CCDC102B: variants seen among roughly 807,000 people sequenced by gnomAD.
CCDC102B encodes the protein coiled-coil domain containing 102B.
Under a neutral mutation model 57.4 loss-of-function variants are expected in CCDC102B, and 75 were observed. The ratio of observed to expected loss-of-function variants is 1.31; its 90% CI spans 1.08 to 1.58. The LOEUF is 1.58. CCDC102B is among the 40% of genes most tolerant of loss of function. The probability of loss-of-function intolerance (pLI) is 0.00; values close to 1 mark genes in which losing one functional copy is unlikely to be tolerated. For synonymous variants in CCDC102B, 206 were observed against 201.9 expected (o/e 1.02, Z -0.17); for missense variants, 636 against 582.6 (o/e 1.09, Z -0.94).
At chr18:68,967,680 C>T (rs796614422) in intron 6 of CCDC102B, among the ~76,000 whole-genome samples, 55 of 152,054 alleles carry the variant, frequency 3.6e-4, no homozygotes, top group Middle Eastern at 3.4e-3. Flanking sequence ...GGTTATGAAA[C>T]GTTTATGTAT....
intron 6 of CCDC102B, among the ~76,000 whole-genome samples, chr18:68,974,582 A>C (rs2145270234): frequency 6.6e-6 from 1 of 152,108 alleles, no homozygotes; most frequent in South Asian, 2.1e-4. Context: ...TTCCTTAATC[A>C]TATAATGACT....
At chr18:68,942,232 T>A (rs1365648804) in intron 6 of CCDC102B, among the ~76,000 whole-genome samples, 1 of 152,134 alleles carries the variant, frequency 6.6e-6, no homozygotes, top group Non-Finnish European at 1.5e-5. Context: ...TCCATGTATT[T>A]CTTAATGAAT....
intron 1 of CCDC102B, among the ~76,000 whole-genome samples, chr18:68,801,788 C>A (rs888501073): frequency 2.6e-5 from 4 of 152,100 alleles, no homozygotes; most frequent in Admixed American, 6.6e-5. Context: ...GACTCATTTT[C>A]ATTTGGAAAT....
At chr18:68,837,448 G>A (rs2037434619) in intron 2 of CCDC102B, 79 bp downstream of exon 2, 4 of 1,380,370 alleles carry the variant, frequency 2.9e-6, no homozygotes, top group Non-Finnish European at 4.0e-6. Context: ...AGTGACAAAT[G>A]CAATGGTGAT....
intron 6 of CCDC102B, among the ~76,000 whole-genome samples, chr18:68,939,396 TA>T (rs2049322627): frequency 6.6e-6 from 1 of 151,732 alleles, no homozygotes. Context: ...GGGTATTTTT[TA>T]ATATATAACT....
At chr18:68,904,357 C>CTGCT (rs1237178088) in intron 6 of CCDC102B, among the ~76,000 whole-genome samples, 1 of 152,084 alleles carries the variant, frequency 6.6e-6, no homozygotes, top group East Asian at 1.9e-4. Flanking sequence ...GAAGAATGTC[C>CTGCT]TGCTTGCAGG....
intron 4 of CCDC102B, among the ~76,000 whole-genome samples, chr18:68,847,990 A>G (rs2144823720): frequency 6.6e-6 from 1 of 151,840 alleles, no homozygotes; most frequent in Middle Eastern, 3.4e-3. Flanking sequence ...TAAATGTGTT[A>G]TATACATATG....
intron 2 of CCDC102B, among the ~76,000 whole-genome samples, chr18:68,737,047 C>A (rs1288476518): frequency 6.6e-6 from 1 of 151,784 alleles, no homozygotes; most frequent in East Asian, 1.9e-4. Flanking sequence ...GTTTGTACCC[C>A]CAATTCAGTT....
intron 4 of CCDC102B, among the ~76,000 whole-genome samples, chr18:68,858,320 A>C (rs1257339363): frequency 6.6e-6 from 1 of 152,144 alleles, no homozygotes; most frequent in Admixed American, 6.5e-5. Context: ...CTGGCTGTTA[A>C]CACTTTTCTT....
intron 7 of CCDC102B, among the ~76,000 whole-genome samples, chr18:69,031,014 T>C (rs2052126974): frequency 6.6e-6 from 1 of 152,224 alleles, no homozygotes; most frequent in Non-Finnish European, 1.5e-5. Context: ...TAAGGTTTTG[T>C]TTCTTTTACT....
chr18:68,807,995 G>A (rs192401828), intron 1 of CCDC102B, among the ~76,000 whole-genome samples: 2 of 152,026 alleles, frequency 1.3e-5, no homozygotes, highest in African/African-American at 4.8e-5. Flanking sequence ...ACTAATCTTC[G>A]AATCAAAAGC....
At chr18:68,778,333 G>C (rs2362223) in intron 2 of CCDC102B, among the ~76,000 whole-genome samples, 1 of 151,984 alleles carries the variant, frequency 6.6e-6, no homozygotes, top group Admixed American at 6.6e-5. Context: ...TTGCTCTTTA[G>C]GAATTCATAT....
chr18:68,792,881 G>A (rs2035507750), intron 2 of CCDC102B, among the ~76,000 whole-genome samples: 1 of 152,154 alleles, frequency 6.6e-6, no homozygotes, highest in East Asian at 1.9e-4. Flanking sequence ...TTTCATAAAA[G>A]TGCATATTCT....
chr18:68,734,927 A>C (rs193062990), intron 2 of CCDC102B, among the ~76,000 whole-genome samples: 2 of 152,362 alleles, frequency 1.3e-5, no homozygotes. Context: ...ACAATACCGT[A>C]TCTCTTGCAG....
At chr18:68,840,275 T>C (rs942836039) in intron 3 of CCDC102B, among the ~76,000 whole-genome samples, 3 of 152,144 alleles carry the variant, frequency 2.0e-5, no homozygotes, top group Non-Finnish European at 2.9e-5. Context: ...GTATATATTA[T>C]ATAACAGTTT....
chr18:68,854,091 GTTTTTT>G (rs10604645), intron 4 of CCDC102B, among the ~76,000 whole-genome samples: 3 of 148,942 alleles, frequency 2.0e-5, no homozygotes, highest in Non-Finnish European at 4.5e-5. Flanking sequence ...ACTTTTTCTT[GTTTTTT>G]TTTTTTTTCT....
intron 6 of CCDC102B, among the ~76,000 whole-genome samples, chr18:68,998,985 TATATATATATATATAGAGAGAGAGAG>T (rs1380161130): frequency 4.0e-5 from 3 of 75,616 alleles, no homozygotes; most frequent in African/African-American, 8.7e-5. Context: ...TATATATATA[TATATATATATATATAGAGAGAGAGAG>T]AGAGAGAGAG....
chr18:68,909,223 C>T lies in CCDC102B; in HGVS notation c.1263+11795C>T, dbSNP rs1299254830. On this transcript the variant is annotated intron_variant, in intron 6 of 7. Transcript: ENST00000360242. ...GAAAGAAGAGTAAAGGAAAGAGGAA[C>T]AAAAGAAAATGTAAGGCAATTAGTT... is the stretch of plus-strand genomic sequence containing the variant. 3.3e-5 allele frequency among the ~76,000 whole-genome samples: 5 copies of T among 151,674 alleles called. No individual in the cohort carries two copies. The East Asian group carries it at 5.8e-4, about 18-fold the overall frequency.
chr18:68,907,126 G>T (rs1470174787), intron 6 of CCDC102B, among the ~76,000 whole-genome samples: 1 of 152,052 alleles, frequency 6.6e-6, no homozygotes. Flanking sequence ...TATAGGTATG[G>T]TTTATTTCTC....
Sources: allele counts gnomAD v4.1 joint callset (sites outside exome capture counted in the v4.1 genomes callset), GRCh38; gene constraint gnomAD v4.1.1; transcripts MANE v1.5; gene names NCBI Gene and HGNC (gene_info 2026-07-23, HGNC 2026-07-21).